Variants in NEGR1 observed in about 807,000 individuals in gnomAD.
NEGR1 encodes the protein IgLON family member 4.
In NEGR1, 10 loss-of-function variants were observed where a neutral mutation model predicts 40.9. The observed-to-expected ratio is 0.24, with a 90% CI of 0.15 to 0.42. NEGR1 has a LOEUF of 0.42. NEGR1 is among the 10% of genes least tolerant of loss of function. The pLI is 1.00. For missense variants in NEGR1, 352 were observed against 438.9 expected, an observed-to-expected ratio of 0.80 and a Z score of 1.77; for synonymous variants, 185 against 166.8, an observed-to-expected ratio of 1.11 and a Z score of -0.84.
At chr1:72,197,911 T>A (rs1484934811) in intron 1 of NEGR1, among the ~76,000 whole-genome samples, 1 of 152,076 alleles carries the variant, frequency 6.6e-6, no homozygotes, top group Admixed American at 6.6e-5. Context: ...CCCAATTAAA[T>A]TTTAATTCAG....
At chr1:72,068,580 A>G (rs970358096) in intron 1 of NEGR1, among the ~76,000 whole-genome samples, 1 of 152,148 alleles carries the variant, frequency 6.6e-6, no homozygotes, top group East Asian at 1.9e-4. Context: ...CAGATAGGAG[A>G]ATGATGGAAT....
intron 6 of NEGR1, among the ~76,000 whole-genome samples, chr1:71,507,724 A>G (rs931213327): frequency 4.6e-5 from 7 of 152,224 alleles, no homozygotes; most frequent in African/African-American, 1.7e-4. Flanking sequence ...GGTGAAAAAT[A>G]TTAATTTGGA....
chr1:72,126,091 ATGTGTGTGTG>A (rs67552146), intron 1 of NEGR1, among the ~76,000 whole-genome samples: 2,039 of 146,784 alleles, frequency 0.014, 23 homozygotes, highest in South Asian at 0.037. Context: ...AGAGAAAAGT[ATGTGTGTGTG>A]TGTGTGTGTG....
intron 5 of NEGR1, among the ~76,000 whole-genome samples, chr1:71,610,059 C>T (rs1003180420): frequency 6.6e-6 from 1 of 152,212 alleles, no homozygotes; most frequent in Non-Finnish European, 1.5e-5. Context: ...GTGACCTCCC[C>T]AGCCATGTGG....
chr1:71,666,862 A>C (rs927475566), intron 4 of NEGR1, among the ~76,000 whole-genome samples: 1 of 152,158 alleles, frequency 6.6e-6, no homozygotes, highest in Non-Finnish European at 1.5e-5. Context: ...TTATTTTTCT[A>C]CTAAAGCCAT....
chr1:71,877,829 C>T (rs1333555575), intron 2 of NEGR1, among the ~76,000 whole-genome samples: 1 of 152,060 alleles, frequency 6.6e-6, no homozygotes, highest in Non-Finnish European at 1.5e-5. Context: ...AAAATGTGAA[C>T]ATTTTGTTGA....
intron 4 of NEGR1, among the ~76,000 whole-genome samples, chr1:71,672,200 G>T (rs1201484484): frequency 3.9e-5 from 6 of 152,090 alleles, no homozygotes; most frequent in Non-Finnish European, 8.8e-5. Context: ...TGTTGAGAAA[G>T]TTTGGGGATA....
chr1:72,158,995 C>G (rs749724834), intron 1 of NEGR1, among the ~76,000 whole-genome samples: 1 of 151,996 alleles, frequency 6.6e-6, no homozygotes, highest in Non-Finnish European at 1.5e-5. Context: ...TTGATCCTTG[C>G]GAGGCTGAAT....
At chr1:72,096,885 T>C (rs920731028) in intron 1 of NEGR1, among the ~76,000 whole-genome samples, 50 of 152,094 alleles carry the variant, frequency 3.3e-4, no homozygotes, top group African/African-American at 1.1e-3. Flanking sequence ...AGTTTCACCA[T>C]GTTAGCCAGG....
At chr1:72,140,539 C>G (rs908526686) in intron 1 of NEGR1, among the ~76,000 whole-genome samples, 2 of 151,982 alleles carry the variant, frequency 1.3e-5, no homozygotes, top group Non-Finnish European at 2.9e-5. Context: ...ATGACCTAAT[C>G]ACCTCTTAAG....
chr1:72,241,185 A>G (rs890640697), intron 1 of NEGR1, among the ~76,000 whole-genome samples: 2 of 151,722 alleles, frequency 1.3e-5, no homozygotes, highest in East Asian at 1.9e-4. Context: ...TGGAAGTTAG[A>G]TAATAATTTA....
At chr1:72,274,746 A>G (rs1280293825) in intron 1 of NEGR1, 1 of 1,133,686 alleles carries the variant, frequency 8.8e-7, no homozygotes, top group African/African-American at 1.5e-5. Context: ...CGGAAGGAGA[A>G]ATTGCTTGCT....
At chr1:71,566,382 G>C (rs1648620175) in intron 6 of NEGR1, among the ~76,000 whole-genome samples, 1 of 152,104 alleles carries the variant, frequency 6.6e-6, no homozygotes, top group Non-Finnish European at 1.5e-5. Context: ...GCACAGAGAA[G>C]ACAGCAACTA....
chr1:72,116,870 T>C (rs1436830974), intron 1 of NEGR1, among the ~76,000 whole-genome samples: 1 of 151,736 alleles, frequency 6.6e-6, no homozygotes, highest in Admixed American at 6.6e-5. Context: ...TTTTTATAGG[T>C]TTTTCACTGA....
At position 72,251,226 on chromosome 1, in the gene NEGR1, T is replaced by C. The variant is rs375526422; in HGVS notation, c.176+31093A>G. On this transcript the variant is annotated intron_variant, in intron 1 of 6. Transcript: ENST00000357731. Reference sequence around the variant, plus strand: ...GCTGTAGTGCACCTTAAAGATATCATATAATATAGTTAATCCACCATGTAT... The same window carrying C: ...GCTGTAGTGCACCTTAAAGATATCACATAATATAGTTAATCCACCATGTAT... 2.3e-4 allele frequency among the ~76,000 whole-genome samples: 35 copies of C among 152,334 alleles called. 1 individual carries two copies. Among genetic ancestry groups the C allele is most frequent in the East Asian group, 2.1e-3 (11 of 5,178 alleles).
chr1:72,007,023 C>G (rs1457004149), intron 1 of NEGR1, among the ~76,000 whole-genome samples: 1 of 152,086 alleles, frequency 6.6e-6, no homozygotes, highest in Non-Finnish European at 1.5e-5. Context: ...TTAATAAGGT[C>G]TAATACCATT....
rs3078155 is a variant in NEGR1 at position 71,947,089 on chromosome 1, T to TACACAC, written c.177-11784_177-11779dup. ...GGCAACAGAGCCAGATCCTGTCTCA[T>TACACAC]ACACACACACACACACACACACACA... On this transcript the variant is annotated intron_variant, in intron 1 of 6. Transcript: ENST00000357731. Among the ~76,000 whole-genome samples the TACACAC allele has an allele frequency of 3.9e-3, 504 of 129,142 alleles. 2 individuals are homozygous for TACACAC. Among genetic ancestry groups the TACACAC allele is most frequent in the South Asian group, 0.011 (44 of 4,028 alleles). The allele number at this position is 129,142 out of a possible 152,430, so 84.7% of individuals were successfully genotyped here. A position where few individuals can be genotyped will look rare whatever the true frequency, so the allele number is the denominator to read the frequency against.
chr1:72,175,316 A>C (rs988117706), intron 1 of NEGR1, among the ~76,000 whole-genome samples: 31 of 152,250 alleles, frequency 2.0e-4, no homozygotes, highest in African/African-American at 7.0e-4. Flanking sequence ...AATTTTCCAG[A>C]AGCTATCATC....
chr1:72,223,758 G>A (rs1411360479), intron 1 of NEGR1, among the ~76,000 whole-genome samples: 4 of 151,848 alleles, frequency 2.6e-5, no homozygotes, highest in Non-Finnish European at 5.9e-5. Context: ...ATCAAATAAC[G>A]CTTAAATACT....
Sources: gnomAD v4.1 joint callset for allele counts (sites outside exome capture counted in the v4.1 genomes callset) on GRCh38, gnomAD v4.1.1 for gene constraint, MANE v1.5 for transcripts, NCBI Gene and HGNC (gene_info 2026-07-23, HGNC 2026-07-21) for gene names.